The following APCDD1 variants were observed in gnomAD, a reference collection of about 807,000 sequenced individuals.
APCDD1 encodes the protein APC down-regulated 1.
In APCDD1, 15 loss-of-function variants were observed where a neutral mutation model predicts 38.1. The ratio of observed to expected loss-of-function variants is 0.39; its 90% confidence interval spans 0.26 to 0.61. The LOEUF (loss-of-function observed/expected upper bound fraction) is 0.61. APCDD1 is among the 20% of genes least tolerant of loss of function. The probability of loss-of-function intolerance (pLI) is 0.49; values close to 1 mark genes in which losing one functional copy is unlikely to be tolerated. For missense variants in APCDD1, 647 were observed against 696.2 expected, an observed-to-expected ratio of 0.93 and a Z score of 0.79; for synonymous variants, 261 against 279.7, an observed-to-expected ratio of 0.93 and a Z score of 0.67.
Position 10,467,047 on chromosome 18 carries a change from A to C in APCDD1, c.59-1422A>C, listed in dbSNP as rs2030733524. ...GAAAATCTGGGAGTTCAGATACGGA[A>C]AATTCTGTCTTCTCAACACCAAGAC... On this transcript the variant is annotated intron_variant, in intron 1 of 4. Coordinates refer to ENST00000355285, the MANE Select transcript of APCDD1 (RefSeq NM_153000.5). This position sits in a 1 kb window ranked among gnomAD's most constrained non-coding sequence, Gnocchi z 4.8. Among the ~76,000 whole-genome samples, 1 of 152,222 alleles carries C rather than the reference A, an allele frequency of 6.6e-6. No individual in the cohort carries two copies.
Position 10,454,707 on chromosome 18 carries a change from G to T in APCDD1, c.-275G>T. ...AGCGGCGCACGCGGCGGCCGGGGCG[G>T]GACGCGGGGCCGGGCGCGGAGAAGT... On this transcript the variant is annotated 5_prime_UTR_variant, in exon 1 of 5. Transcript: ENST00000355285. The T allele has an allele frequency of 2.0e-6, 2 of 984,004 alleles. No homozygotes were observed. The highest frequency in any genetic ancestry group is 2.4e-6 in the Non-Finnish European group (2 of 829,940). The allele number at this position is 984,004 out of a possible 1,614,324, so 61.0% of individuals were successfully genotyped here.
At chr18:10,481,067 G>C (rs566663821) in intron 3 of APCDD1, among the ~76,000 whole-genome samples, 1 of 152,184 alleles carries the variant, frequency 6.6e-6, no homozygotes, top group Non-Finnish European at 1.5e-5. Flanking sequence ...TATTGGGAAG[G>C]ATGTGGAGAA....
chr18:10,478,019 A>C (rs1360712880), intron 3 of APCDD1: 3 of 152,080 alleles, frequency 2.0e-5, no homozygotes, highest in African/African-American at 7.2e-5. Flanking sequence ...CACTTCTCAG[A>C]TTCTAAGCTG....
At position 10,489,065 on chromosome 18, in the gene APCDD1, C is replaced by T. The variant is rs949528352; in HGVS notation, c.*1027C>T. 1 of 152,190 alleles carries T rather than the reference C, an allele frequency of 6.6e-6. No individual in the cohort carries two copies. The highest frequency in any genetic ancestry group is 2.4e-5 in the African/African-American group (1 of 41,418). The allele number at this position is 152,190 out of a possible 1,614,324, so 9.4% of individuals were successfully genotyped here. ...AGAGAGTGCAGTGGGCATGGTCTGC[C>T]CTGGGGGCTTGCTCCATTACACCCT... On this transcript the variant is annotated 3_prime_UTR_variant, in exon 5 of 5. Coordinates refer to ENST00000355285, the MANE Select transcript of APCDD1 (RefSeq NM_153000.5).
chr18:10,474,435 C>CG (rs1187080629), intron 3 of APCDD1, among the ~76,000 whole-genome samples: 7 of 152,146 alleles, frequency 4.6e-5, no homozygotes, highest in African/African-American at 7.2e-5. Flanking sequence ...CCAAAAAGCA[C>CG]GGGGAGCCTT....
In APCDD1 at chr18:10,488,025, A is replaced by C; in HGVS notation, c.1532A>C (p.Asn511Thr). ...LACLVPLLHW[N>T]IRR ...TGCCTTGTCCCTCTGCTGCATTGGA[A>C]CATCCGCAGATAGAAGTTTTAGAAA... The change falls in exon 5 of 5, where the codon AAC becomes ACC. Residue 511 changes from asparagine (N) to threonine (T), a missense_variant. Asn to Thr is a moderately conservative substitution (Grantham distance 65, BLOSUM62 0). Transcript: ENST00000355285. The C allele has an allele frequency of 6.2e-7, 1 of 1,613,778 alleles. No individual in the cohort carries two copies. Among genetic ancestry groups the C allele is most frequent in the Non-Finnish European group, 8.5e-7 (1 of 1,180,044 alleles).
At chr18:10,474,950 G>T (rs535726812) in intron 3 of APCDD1, among the ~76,000 whole-genome samples, 37 of 152,326 alleles carry the variant, frequency 2.4e-4, no homozygotes, top group African/African-American at 8.9e-4. Context: ...TTCAGAAACG[G>T]TAGCCAATCC....
intron 1 of APCDD1, among the ~76,000 whole-genome samples, chr18:10,458,098 C>T (rs965121664): frequency 6.6e-6 from 1 of 152,176 alleles, no homozygotes; most frequent in Admixed American, 6.5e-5. Context: ...CCATTCAGCT[C>T]CAAAACACAG....
rs545041021 is a variant in APCDD1 at position 10,488,334 on chromosome 18, AGGG to A, written c.*297_*299del. The A allele has an allele frequency of 0.03, 9,740 of 329,714 alleles. 773 individuals carry two copies. Among genetic ancestry groups the A allele is most frequent in the African/African-American group, 0.18 (8,286 of 46,772 alleles). 20.4% of individuals were successfully genotyped at this position (329,714 alleles called of 1,614,324 possible). On this transcript the variant is annotated 3_prime_UTR_variant, in exon 5 of 5. Transcript: ENST00000355285. ...GTGTTTGGTAGCAGGGATGAAAGCT[AGGG>A]CCTCTTATTTTTTTCTCTTAATTAT...
rs1346031728 is a variant in APCDD1, at chr18:10,485,588, G to T, written c.901G>T (p.Glu301Ter). 1 of 1,613,936 alleles carries T rather than the reference G, an allele frequency of 6.2e-7. No individual in the cohort carries two copies. The highest frequency in any genetic ancestry group is 8.5e-7 in the Non-Finnish European group (1 of 1,180,032). Residue 301 changes from glutamate (E) to a stop codon, truncating the protein, a stop_gained, in exon 4 of 5, where the codon GAG becomes TAG. Coordinates refer to ENST00000355285, the MANE Select transcript of APCDD1 (RefSeq NM_153000.5). LOFTEE classifies it high-confidence loss of function. The surrounding 1 kb of genome is among the most constrained non-coding windows in gnomAD (Gnocchi z 5.8). Reference sequence around the variant, plus strand: ...CGGGGAGTGGGTGAGCCAGCGCTGTGAGGTGCGCCCCGAAGTCCTCTTCCT... The same window carrying T: ...CGGGGAGTGGGTGAGCCAGCGCTGTTAGGTGCGCCCCGAAGTCCTCTTCCT... Reference protein sequence around the residue: ...LHGEWVSQRCEVRPEVLFLTR... With the variant: ...LHGEWVSQRC
Position 10,467,270 on chromosome 18 carries a change from TCTATGAAG to T in APCDD1, c.59-1194_59-1187del, listed in dbSNP as rs927269440. On this transcript the variant is annotated intron_variant, in intron 1 of 4. Coordinates refer to ENST00000355285, the MANE Select transcript of APCDD1 (RefSeq NM_153000.5). This position sits in a 1 kb window ranked among gnomAD's most constrained non-coding sequence, Gnocchi z 4.8. Reference sequence around the variant, plus strand: ...ATCATCTCTCAGAAACCGTGCCTTCTCTATGAAGCTATTTATGTGTTGATTAAAAAATA... The same window carrying T: ...ATCATCTCTCAGAAACCGTGCCTTCTCTATTTATGTGTTGATTAAAAAATA... Among the ~76,000 whole-genome samples, 44 of 152,384 alleles carry T rather than the reference TCTATGAAG, an allele frequency of 2.9e-4. No homozygotes were observed. Among genetic ancestry groups the T allele is most frequent in the African/African-American group, 1.1e-3 (44 of 41,592 alleles).
At chr18:10,468,348 T>A in intron 1 of APCDD1, 121 bp from the exon 2 acceptor site, 1 of 1,082,162 alleles carries the variant, frequency 9.2e-7, no homozygotes, top group Non-Finnish European at 1.4e-6. Flanking sequence ...TGATGACACC[T>A]TGTAGAATAA....
Position 10,487,839 on chromosome 18 carries a change from C to T in APCDD1, c.1346C>T (p.Pro449Leu). 12 of 1,613,986 alleles carry T rather than the reference C, an allele frequency of 7.4e-6. No homozygotes were observed. Among genetic ancestry groups the T allele is most frequent in the African/African-American group, 1.3e-5 (1 of 75,052 alleles). Reference protein sequence around the residue: ...NGQRPSDGSSPDRPEKRATSY... With the variant: ...NGQRPSDGSSLDRPEKRATSY... ...CAGAGGCCCAGCGACGGGTCCAGCC[C>T]AGACAGGCCAGAGAAGAGAGCCACG... is the stretch of plus-strand genomic sequence containing the variant. Residue 449 changes from proline (P) to leucine (L), a missense_variant, in exon 5 of 5, where the codon CCA becomes CTA. By Grantham distance (98) the Pro-to-Leu change is moderately conservative. Coordinates refer to ENST00000355285, the MANE Select transcript of APCDD1 (RefSeq NM_153000.5).
At chr18:10,463,687 C>T (rs1308552588) in intron 1 of APCDD1, among the ~76,000 whole-genome samples, 1 of 152,220 alleles carries the variant, frequency 6.6e-6, no homozygotes, top group African/African-American at 2.4e-5. Context: ...ATACCACTTG[C>T]AGTGGTGAAC....
Position 10,471,793 on chromosome 18 carries a change from G to T in APCDD1, c.506G>T (p.Arg169Leu). ...VAEKLGQQVN[R>L]TCPGFLADGG... ...GAGAAGCTCGGCCAGCAGGTGAACC[G>T]CACATGCCCGGGCTTCCTCGCAGAC... Residue 169 changes from arginine to leucine, a missense_variant, in exon 3 of 5, where the codon CGC becomes CTC. By Grantham distance (102) the Arg-to-Leu change is moderately radical. Coordinates refer to ENST00000355285, the MANE Select transcript of APCDD1 (RefSeq NM_153000.5). The surrounding 1 kb of genome is among the most constrained non-coding windows in gnomAD (Gnocchi z 5.5). 6.2e-7 allele frequency: 1 copy of T among 1,613,478 alleles called. No individual in the cohort carries two copies. The highest frequency in any genetic ancestry group is 8.5e-7 in the Non-Finnish European group (1 of 1,179,672).
Position 10,488,923 on chromosome 18 carries a change from C to T in APCDD1, c.*885C>T, listed in dbSNP as rs1403788643. The T allele has an allele frequency of 6.6e-6, 1 of 152,204 alleles. No individual in the cohort carries two copies. Among genetic ancestry groups the T allele is most frequent in the Non-Finnish European group, 1.5e-5 (1 of 68,064 alleles). The allele number at this position is 152,204 out of a possible 1,614,324, so 9.4% of individuals were successfully genotyped here. On this transcript the variant is annotated 3_prime_UTR_variant, in exon 5 of 5. Transcript: ENST00000355285. ...GCCCGTTCATTGCAGTTTCCTCTTC[C>T]TGGGGGACCTGAGCCCTGACTCACT...
intron 1 of APCDD1, among the ~76,000 whole-genome samples, chr18:10,468,105 A>G (rs1480197618): frequency 6.6e-6 from 1 of 152,186 alleles, no homozygotes; most frequent in Admixed American, 6.5e-5. Context: ...TCTCTGCTAC[A>G]GTGCCAGTCA....
chr18:10,485,579 C>T lies in APCDD1; in HGVS notation c.892C>T (p.Gln298Ter). The T allele has an allele frequency of 6.2e-7, 1 of 1,614,074 alleles. No individual in the cohort carries two copies. The highest frequency in any genetic ancestry group is 8.5e-7 in the Non-Finnish European group (1 of 1,180,022). The change falls in exon 4 of 5, where the codon CAG (glutamine) becomes TAG (stop). Residue 298 changes from glutamine to a stop codon, truncating the protein, a stop_gained. Coordinates refer to ENST00000355285, the MANE Select transcript of APCDD1 (RefSeq NM_153000.5). LOFTEE classifies it high-confidence loss of function. This position sits in a 1 kb window ranked among gnomAD's most constrained non-coding sequence, Gnocchi z 5.8. ...TIGLHGEWVS[Q>*]RCEVRPEVLF... Reference sequence around the variant, plus strand: ...CGGCCTGCACGGGGAGTGGGTGAGCCAGCGCTGTGAGGTGCGCCCCGAAGT... The same window carrying T: ...CGGCCTGCACGGGGAGTGGGTGAGCTAGCGCTGTGAGGTGCGCCCCGAAGT...
chr18:10,469,214 G>A lies in APCDD1; in HGVS notation c.242+562G>A, dbSNP rs1335257105. On this transcript the variant is annotated intron_variant, in intron 2 of 4. Coordinates refer to ENST00000355285, the MANE Select transcript of APCDD1 (RefSeq NM_153000.5). The surrounding 1 kb of genome is among the most constrained non-coding windows in gnomAD (Gnocchi z 5.5). ...AAAAATAGCCGAGAGGCAGATCTGC[G>A]ATTTTTTTTTTCTACCCATTAGATT... Among the ~76,000 whole-genome samples, 1 of 152,068 alleles carries A rather than the reference G, an allele frequency of 6.6e-6. No homozygotes were observed. Among genetic ancestry groups the A allele is most frequent in the Non-Finnish European group, 1.5e-5 (1 of 68,022 alleles).
Sources: allele counts gnomAD v4.1 joint callset (sites outside exome capture counted in the v4.1 genomes callset), GRCh38; gene constraint gnomAD v4.1.1; non-coding constraint Gnocchi (gnomAD v3.1); transcripts MANE v1.5; gene names NCBI Gene and HGNC (gene_info 2026-07-23, HGNC 2026-07-21).